STARD13: variants seen among roughly 807,000 people sequenced by gnomAD.
STARD13 encodes StAR related lipid transfer domain containing 13, also known as stAR-related lipid transfer protein 13.
A neutral mutation model predicts 106.4 loss-of-function variants in STARD13; 62 were observed. That is an observed-to-expected ratio of 0.58 (90% CI 0.48 to 0.72). The LOEUF (loss-of-function observed/expected upper bound fraction) is 0.72. Among genes scored for constraint, STARD13 ranks in the 30% least tolerant of loss-of-function variants. The pLI, the probability that STARD13 is intolerant of heterozygous loss-of-function variation, is 0.00. For synonymous variants in STARD13, 565 were observed against 553.0 expected, an observed-to-expected ratio of 1.02 and a Z score of -0.31; for missense variants, 1,387 against 1,424.0, an observed-to-expected ratio of 0.97 and a Z score of 0.42.
chr13:33,397,842 T>C, the STARD13 span, among the ~76,000 whole-genome samples: 1 of 152,186 alleles, frequency 6.6e-6, no homozygotes, highest in African/African-American at 2.4e-5. Flanking sequence ...CTGACCCACT[T>C]CCTCATAGAC....
intron 1 of STARD13, among the ~76,000 whole-genome samples, chr13:33,189,514 T>A (rs1392363670): frequency 6.6e-6 from 1 of 150,768 alleles, no homozygotes; most frequent in African/African-American, 2.4e-5. Flanking sequence ...ACAAATTCAG[T>A]CCTTCCGATG....
chr13:33,285,676 G>A lies in STARD13; in HGVS notation c.-38C>T. 1 of 1,606,240 alleles carries A rather than the reference G, an allele frequency of 6.2e-7. No individual in the cohort carries two copies. Among genetic ancestry groups the A allele is most frequent in the Non-Finnish European group, 8.5e-7 (1 of 1,177,120 alleles). ...CCTATTGCCACCTCAGTCTGCCTGT[G>A]GCTGTTGCCGTCTGTCTCCAGTCTC... On this transcript the variant is annotated 5_prime_UTR_variant, in exon 1 of 14. Transcript: ENST00000336934.
rs188437287 is a variant in STARD13 at position 33,314,714 on chromosome 13, C to A, written c.124+35576G>T. Among the ~76,000 whole-genome samples the A allele has an allele frequency of 2.4e-3, 361 of 152,218 alleles. 1 individual carries two copies. Among genetic ancestry groups the A allele is most frequent in the African/African-American group, 8.3e-3 (346 of 41,534 alleles). On this transcript the variant is annotated intron_variant, in intron 1 of 5. Transcript: ENST00000567873. ...CCCTATGCTACAGACAAAGAAATGA[C>A]CAGAAAACTAAGCAGTAGAGCCAGA...
the STARD13 span, among the ~76,000 whole-genome samples, chr13:33,389,466 A>G: frequency 2.0e-5 from 3 of 152,116 alleles, no homozygotes; most frequent in Non-Finnish European, 4.4e-5. Context: ...GAGCTGGGCC[A>G]GGCCAGGTGC....
intron 1 of STARD13, among the ~76,000 whole-genome samples, chr13:33,274,292 C>T (rs933667416): frequency 4.6e-5 from 7 of 151,984 alleles, no homozygotes; most frequent in Admixed American, 1.3e-4. Flanking sequence ...CAATCCAATA[C>T]GACTGGTGTC....
At chr13:33,336,978 T>A (rs2077904744) in intron 1 of STARD13, among the ~76,000 whole-genome samples, 1 of 152,012 alleles carries the variant, frequency 6.6e-6, no homozygotes. Flanking sequence ...TACTTCACAT[T>A]AAATAATAAT....
At chr13:33,329,567 A>G (rs1466533119) in intron 1 of STARD13, among the ~76,000 whole-genome samples, 1 of 152,134 alleles carries the variant, frequency 6.6e-6, no homozygotes, top group African/African-American at 2.4e-5. Context: ...TTTGCTTAGC[A>G]TAACTTCCTC....
chr13:33,536,594 T>C, the STARD13 span, among the ~76,000 whole-genome samples: 1 of 152,186 alleles, frequency 6.6e-6, no homozygotes, highest in African/African-American at 2.4e-5. Flanking sequence ...CAATAAAAAC[T>C]GAAGTCAATG....
At chr13:33,323,999 A>C (rs1256854602) in intron 1 of STARD13, among the ~76,000 whole-genome samples, 3 of 152,234 alleles carry the variant, frequency 2.0e-5, no homozygotes, top group African/African-American at 7.2e-5. Context: ...TTAAGAAAAA[A>C]AATGCAATAT....
chr13:33,185,897 G>C (rs762271353), intron 1 of STARD13: 27 of 1,614,042 alleles, frequency 1.7e-5, no homozygotes, highest in Middle Eastern at 1.6e-4. Context: ...GGAATGTGTG[G>C]TTCACTCTGC....
At chr13:33,599,185 T>G in the STARD13 span, among the ~76,000 whole-genome samples, 1 of 152,194 alleles carries the variant, frequency 6.6e-6, no homozygotes, top group Non-Finnish European at 1.5e-5. Context: ...TTAGTTTATT[T>G]GAAAAGCAGT....
intron 1 of STARD13, among the ~76,000 whole-genome samples, chr13:33,207,237 T>C (rs1887467863): frequency 6.6e-6 from 1 of 152,112 alleles, no homozygotes. Flanking sequence ...TGAGGGAGAA[T>C]ACGAAGTAAG....
chr13:33,462,419 G>A, the STARD13 span, among the ~76,000 whole-genome samples: 3 of 152,164 alleles, frequency 2.0e-5, no homozygotes, highest in Non-Finnish European at 4.4e-5. Flanking sequence ...TCTCTAGAGG[G>A]ACAGAACTAA....
At chr13:33,484,212 A>G in the STARD13 span, among the ~76,000 whole-genome samples, 2 of 152,170 alleles carry the variant, frequency 1.3e-5, no homozygotes. Context: ...GGTTTAAGTG[A>G]TAATACTGCT....
In STARD13 at chr13:33,304,787, C is replaced by T. The variant is rs1892845789; in HGVS notation, c.124+45503G>A. ...TACTTCTCTTTAACTCTTTATTTTC[C>T]ATCATAGTTATTTGTTTACTTTTAG... On this transcript the variant is annotated intron_variant, in intron 1 of 5. Coordinates refer to the STARD13 transcript ENST00000567873. 2.6e-5 allele frequency among the ~76,000 whole-genome samples: 4 copies of T among 152,102 alleles called. No individual in the cohort carries two copies. The South Asian group carries it at 8.3e-4, about 32-fold the overall frequency.
At chr13:33,454,661 T>C in the STARD13 span, among the ~76,000 whole-genome samples, 1 of 152,226 alleles carries the variant, frequency 6.6e-6, no homozygotes, top group East Asian at 1.9e-4. Context: ...GACTATTATG[T>C]GGTTGGCTCT....
intron 4 of STARD13, among the ~76,000 whole-genome samples, chr13:33,132,785 GAA>G (rs1270074029): frequency 1.3e-5 from 2 of 152,188 alleles, no homozygotes; most frequent in African/African-American, 4.8e-5. Context: ...AAGCTCTGAT[GAA>G]AGAGTTTAGA....
At chr13:33,312,601 T>C (rs151209159) in intron 1 of STARD13, among the ~76,000 whole-genome samples, 15 of 152,318 alleles carry the variant, frequency 9.8e-5, no homozygotes, top group African/African-American at 3.4e-4. Flanking sequence ...TCTCAATGTG[T>C]TTGGCATGAA....
At chr13:33,529,063 A>G in the STARD13 span, among the ~76,000 whole-genome samples, 1 of 152,184 alleles carries the variant, frequency 6.6e-6, no homozygotes, top group Admixed American at 6.6e-5. Flanking sequence ...AGATATTGAC[A>G]GAACTTCAGG....
Sources: gnomAD v4.1 joint callset for allele counts (sites outside exome capture counted in the v4.1 genomes callset) on GRCh38, gnomAD v4.1.1 for gene constraint, MANE v1.5 for transcripts, NCBI Gene and HGNC (gene_info 2026-07-23, HGNC 2026-07-21) for gene names.